Variants in RIMBP2 observed in about 807,000 individuals in gnomAD.
RIMBP2 encodes the protein RIMS-binding protein 2.
In RIMBP2, 48 loss-of-function variants were observed where a neutral mutation model predicts 118.6. The ratio of observed to expected loss-of-function variants is 0.40; its 90% CI spans 0.32 to 0.51. The LOEUF (loss-of-function observed/expected upper bound fraction) is 0.51. Ranked by LOEUF, RIMBP2 falls within the 20% of genes least tolerant of loss-of-function variation. The pLI is 0.41. For missense variants in RIMBP2, 1,551 were observed against 1,768.3 expected (o/e 0.88, Z 2.20); for synonymous variants, 762 against 742.9 (o/e 1.03, Z -0.42).
intron 2 of RIMBP2, among the ~76,000 whole-genome samples, chr12:130,534,124 C>A (rs540857377): frequency 6.7e-6 from 1 of 149,370 alleles, no homozygotes; most frequent in Non-Finnish European, 1.5e-5. Context: ...AGAGATCACA[C>A]CCCTGCACTT....
At chr12:130,461,179 G>A (rs563304749) in intron 6 of RIMBP2, among the ~76,000 whole-genome samples, 28 of 152,286 alleles carry the variant, frequency 1.8e-4, no homozygotes, top group African/African-American at 4.3e-4. Flanking sequence ...CTCTCGAGGC[G>A]GCTGCAGAGA....
chr12:130,699,228 T>C (rs1440135355), intron 1 of RIMBP2, among the ~76,000 whole-genome samples: 1 of 152,118 alleles, frequency 6.6e-6, no homozygotes, highest in African/African-American at 2.4e-5. Context: ...CCATTACTGG[T>C]TATATACCCA....
At chr12:130,687,952 A>ATC (rs1430734722) in intron 1 of RIMBP2, among the ~76,000 whole-genome samples, 1 of 152,240 alleles carries the variant, frequency 6.6e-6, no homozygotes, top group Non-Finnish European at 1.5e-5. Flanking sequence ...GCTCAAAGCA[A>ATC]TCTGCGATTT....
chr12:130,526,370 C>T (rs1293980702), intron 2 of RIMBP2, among the ~76,000 whole-genome samples: 1 of 151,988 alleles, frequency 6.6e-6, no homozygotes, highest in Admixed American at 6.6e-5. Context: ...CTTTTGTGCT[C>T]GATGAAAGCC....
chr12:130,520,540 T>C (rs1216838785), intron 2 of RIMBP2, among the ~76,000 whole-genome samples: 39 of 152,018 alleles, frequency 2.6e-4, no homozygotes, highest in Non-Finnish European at 1.8e-4. Context: ...GGCGTGGTGG[T>C]GGGCACCTGT....
At chr12:130,664,508 G>A (rs1305088653) in intron 1 of RIMBP2, among the ~76,000 whole-genome samples, 1 of 141,908 alleles carries the variant, frequency 7.0e-6, no homozygotes, top group Non-Finnish European at 1.5e-5. Flanking sequence ...TCCTGGCTCT[G>A]TCGACTACAG....
intron 6 of RIMBP2, among the ~76,000 whole-genome samples, chr12:130,466,469 C>A (rs2080486851): frequency 6.6e-6 from 1 of 152,184 alleles, no homozygotes; most frequent in Non-Finnish European, 1.5e-5. Context: ...GCCATTCATT[C>A]TTTAGAGAAC....
intron 2 of RIMBP2, among the ~76,000 whole-genome samples, chr12:130,616,648 G>A (rs972741659): frequency 9.2e-5 from 14 of 152,192 alleles, no homozygotes; most frequent in African/African-American, 2.4e-4. Flanking sequence ...TAGAGGTTAC[G>A]GAATCTTCCC....
At position 130,602,527 on chromosome 12, in the gene RIMBP2, T is replaced by G. The variant is rs920038093; in HGVS notation, c.-217+25795A>C. On this transcript the variant is annotated intron_variant, in intron 2 of 22. Coordinates refer to ENST00000690449, the MANE Select transcript of RIMBP2 (RefSeq NM_001393629.1). Reference sequence around the variant, plus strand: ...AATTCGGCCACCTGTGTGGCAGCGCTGGGAGCTGCTTCCCCAGGGACTCCT... The same window carrying G: ...AATTCGGCCACCTGTGTGGCAGCGCGGGGAGCTGCTTCCCCAGGGACTCCT... 1.9e-4 allele frequency among the ~76,000 whole-genome samples: 29 copies of G among 152,226 alleles called. 1 individual carries two copies. The highest frequency in any genetic ancestry group is 3.3e-4 in the Admixed American group (5 of 15,278).
At chr12:130,649,846 T>TCTA (rs2063153241) in intron 1 of RIMBP2, among the ~76,000 whole-genome samples, 1 of 151,904 alleles carries the variant, frequency 6.6e-6, no homozygotes, top group Admixed American at 6.6e-5. Flanking sequence ...CTGGGAGTAC[T>TCTA]CTACTCAGTG....
chr12:130,515,240 C>T (rs1394799508), intron 3 of RIMBP2, among the ~76,000 whole-genome samples: 1 of 152,306 alleles, frequency 6.6e-6, no homozygotes. Flanking sequence ...ACCATCTTAA[C>T]TATTTTACAT....
At chr12:130,490,835 C>T (rs2048572613) in intron 4 of RIMBP2, among the ~76,000 whole-genome samples, 1 of 152,106 alleles carries the variant, frequency 6.6e-6, no homozygotes, top group Non-Finnish European at 1.5e-5. Flanking sequence ...AAAAGAGAGG[C>T]CAAATGCCAA....
intron 9 of RIMBP2, among the ~76,000 whole-genome samples, chr12:130,448,824 G>A (rs1258772427): frequency 6.6e-6 from 1 of 152,264 alleles, no homozygotes; most frequent in Non-Finnish European, 1.5e-5. Flanking sequence ...CAGTGCTTCT[G>A]CTACCTGAAC....
chr12:130,680,370 G>A (rs2064721498), intron 1 of RIMBP2, among the ~76,000 whole-genome samples: 1 of 152,216 alleles, frequency 6.6e-6, no homozygotes, highest in African/African-American at 2.4e-5. Flanking sequence ...TGCCATGGGT[G>A]CCTTTGAATG....
intron 1 of RIMBP2, among the ~76,000 whole-genome samples, chr12:130,646,706 G>C (rs1037612676): frequency 7.9e-5 from 12 of 152,246 alleles, no homozygotes; most frequent in South Asian, 2.1e-4. Flanking sequence ...CAAAGCTAGA[G>C]TTGGAAAAAA....
intron 2 of RIMBP2, among the ~76,000 whole-genome samples, chr12:130,573,356 T>C (rs943998025): frequency 6.6e-6 from 1 of 151,984 alleles, no homozygotes; most frequent in African/African-American, 2.4e-5. Flanking sequence ...TTCTTTACTG[T>C]TAGTATGATA....
At position 130,581,723 on chromosome 12, in the gene RIMBP2, A is replaced by T. The variant is rs1394127914; in HGVS notation, c.-217+46599T>A. 6.6e-6 allele frequency among the ~76,000 whole-genome samples: 1 copy of T among 152,134 alleles called. No homozygotes were observed. Among genetic ancestry groups the T allele is most frequent in the Non-Finnish European group, 1.5e-5 (1 of 68,020 alleles). On this transcript the variant is annotated intron_variant, in intron 2 of 22. Coordinates refer to ENST00000690449, the MANE Select transcript of RIMBP2 (RefSeq NM_001393629.1). The surrounding 1 kb of genome is among the most constrained non-coding windows in gnomAD (Gnocchi z 4.4). ...TATAAGCCTGGCCTGAGTCATCACCATTCCTCGCCGGGTTATGAGAATGGC... is the reference window on the plus strand; with the variant it reads ...TATAAGCCTGGCCTGAGTCATCACCTTTCCTCGCCGGGTTATGAGAATGGC...
At position 130,475,997 on chromosome 12, in the gene RIMBP2, G is replaced by A. The variant is rs2081391384; in HGVS notation, c.102+2915C>T. ...AACCCGGGAGTTACCACGCAGAGGT[G>A]GTGCTGAAACCCATGCATCTATGTG... On this transcript the variant is annotated intron_variant, in intron 5 of 22. Coordinates refer to ENST00000690449, the MANE Select transcript of RIMBP2 (RefSeq NM_001393629.1). This position sits in a 1 kb window ranked among gnomAD's most constrained non-coding sequence, Gnocchi z 4.1. 6.6e-6 allele frequency among the ~76,000 whole-genome samples: 1 copy of A among 152,068 alleles called. No individual in the cohort carries two copies.
At chr12:130,705,864 C>A (rs2066092430) in intron 1 of RIMBP2, among the ~76,000 whole-genome samples, 1 of 152,226 alleles carries the variant, frequency 6.6e-6, no homozygotes, top group Non-Finnish European at 1.5e-5. Context: ...CCTGCAAGGT[C>A]ACAAAAATGC....
Sources: allele counts gnomAD v4.1 joint callset (sites outside exome capture counted in the v4.1 genomes callset), GRCh38; gene constraint gnomAD v4.1.1; non-coding constraint Gnocchi (gnomAD v3.1); transcripts MANE v1.5; gene names NCBI Gene and HGNC (gene_info 2026-07-23, HGNC 2026-07-21).